The following GRK3 variants were observed in gnomAD, a reference collection of about 807,000 sequenced individuals.
GRK3 encodes adrenergic, beta, receptor kinase 2.
Under a neutral mutation model 95.7 loss-of-function variants are expected in GRK3, and 54 were observed. The ratio of observed to expected loss-of-function variants is 0.56; its 90% CI spans 0.45 to 0.71. The LOEUF (loss-of-function observed/expected upper bound fraction) is 0.71, where lower values mean the gene tolerates loss of function less well. Ranked by LOEUF, GRK3 falls within the 30% of genes least tolerant of loss-of-function variation. GRK3 has a pLI of 0.00. For missense variants in GRK3, 649 were observed against 851.2 expected (o/e 0.76, Z 2.96); for synonymous variants, 281 against 290.8 (o/e 0.97, Z 0.34).
intron 8 of GRK3, among the ~76,000 whole-genome samples, chr22:25,678,371 T>C (rs1034601566): frequency 6.6e-6 from 1 of 152,068 alleles, no homozygotes; most frequent in Non-Finnish European, 1.5e-5. Context: ...AGGAGAATGG[T>C]GTGAACCCGG....
intron 2 of GRK3, among the ~76,000 whole-genome samples, chr22:25,616,611 C>G (rs2084541064): frequency 6.6e-6 from 1 of 152,256 alleles, no homozygotes; most frequent in Non-Finnish European, 1.5e-5. Context: ...TCTTAGAAAG[C>G]TAAAGGCTGT....
chr22:25,645,970 A>G (rs985201718), intron 3 of GRK3, among the ~76,000 whole-genome samples: 5 of 152,036 alleles, frequency 3.3e-5, no homozygotes, highest in African/African-American at 1.2e-4. Flanking sequence ...CAGGGTCCTA[A>G]AAAATGACAA....
intron 1 of GRK3, among the ~76,000 whole-genome samples, chr22:25,603,334 A>AGAT (rs1394098000): frequency 2.0e-5 from 3 of 152,164 alleles, no homozygotes; most frequent in Non-Finnish European, 4.4e-5. Context: ...TGGATAATAG[A>AGAT]GATTCAATTT....
intron 2 of GRK3, among the ~76,000 whole-genome samples, chr22:25,641,219 C>T (rs1383207504): frequency 6.6e-6 from 1 of 152,136 alleles, no homozygotes; most frequent in Non-Finnish European, 1.5e-5. Flanking sequence ...ATTCTACTGA[C>T]CGACAATGGA....
intron 15 of GRK3, among the ~76,000 whole-genome samples, chr22:25,706,903 G>A (rs1305762072): frequency 6.6e-6 from 1 of 152,028 alleles, no homozygotes; most frequent in Non-Finnish European, 1.5e-5. Flanking sequence ...GCTCACTCCA[G>A]CTCCAAACTC....
chr22:25,678,436 A>G (rs111882754), intron 8 of GRK3, among the ~76,000 whole-genome samples: 3 of 152,312 alleles, frequency 2.0e-5, no homozygotes, highest in African/African-American at 7.2e-5. Context: ...CCTGGGCAAC[A>G]GAGTGAGACT....
At chr22:25,641,220 C>T (rs1482842180) in intron 2 of GRK3, among the ~76,000 whole-genome samples, 2 of 152,062 alleles carry the variant, frequency 1.3e-5, no homozygotes, top group African/African-American at 2.4e-5. Flanking sequence ...TTCTACTGAC[C>T]GACAATGGAG....
intron 2 of GRK3, among the ~76,000 whole-genome samples, chr22:25,613,855 A>T (rs2084517115): frequency 6.6e-6 from 1 of 151,956 alleles, no homozygotes. Context: ...GTTAAAAAGG[A>T]TAAAAAGAGG....
intron 2 of GRK3, 62 bp from the exon 3 acceptor site, chr22:25,644,530 C>G (rs1166344355): frequency 2.5e-6 from 2 of 793,166 alleles, no homozygotes; most frequent in East Asian, 5.4e-5. Context: ...TTTGAAAACA[C>G]CCTTGTGGGA....
At chr22:25,678,022 C>T (rs1236099837) in intron 8 of GRK3, among the ~76,000 whole-genome samples, 1 of 152,156 alleles carries the variant, frequency 6.6e-6, no homozygotes, top group African/African-American at 2.4e-5. Flanking sequence ...TTTAAAACGT[C>T]ATAACTTAAA....
intron 2 of GRK3, among the ~76,000 whole-genome samples, chr22:25,623,035 G>T (rs189437828): frequency 4.1e-4 from 63 of 152,108 alleles, no homozygotes; most frequent in Admixed American, 9.8e-4. Flanking sequence ...TTTGCCTCCC[G>T]GGGTCAAGTG....
intron 1 of GRK3, among the ~76,000 whole-genome samples, chr22:25,602,372 G>A (rs781538932): frequency 2.0e-5 from 3 of 152,188 alleles, no homozygotes; most frequent in Non-Finnish European, 4.4e-5. Context: ...CATTGTTGGT[G>A]GGATTGTAAA....
intron 6 of GRK3, 42 bp downstream of exon 6, chr22:25,667,842 G>T: frequency 1.7e-6 from 2 of 1,164,852 alleles, no homozygotes; most frequent in Non-Finnish European, 1.3e-6. Context: ...TTTTTATCAT[G>T]TACGTGTACC....
In GRK3 at chr22:25,565,008, T is replaced by C. The variant is rs1250271159; in HGVS notation, c.-33T>C. 4.6e-6 allele frequency: 5 copies of C among 1,091,368 alleles called. No homozygotes were observed. Among genetic ancestry groups the C allele is most frequent in the Non-Finnish European group, 6.2e-6 (5 of 808,994 alleles). 67.6% of individuals were successfully genotyped at this position (1,091,368 alleles called of 1,614,324 possible). ...GCGCGCGTCCCGTCCAGGTCCGGAG[T>C]AACCGCCGCCGCCGCCGCCAAAGCT... On this transcript the variant is annotated 5_prime_UTR_variant, in exon 1 of 21. Transcript: ENST00000324198.
At chr22:25,648,594 A>G in intron 3 of GRK3, 3 of 1,244,260 alleles carry the variant, frequency 2.4e-6, no homozygotes, top group Non-Finnish European at 3.5e-6. Flanking sequence ...AAGACATGGT[A>G]AACTTGTTCC....
At chr22:25,659,380 G>A (rs953665489) in intron 3 of GRK3, among the ~76,000 whole-genome samples, 16 of 152,178 alleles carry the variant, frequency 1.1e-4, no homozygotes, top group African/African-American at 2.7e-4. Context: ...AAGGGTGGGC[G>A]CAGAAGCAGA....
At chr22:25,671,011 G>A (rs900171729) in intron 6 of GRK3, among the ~76,000 whole-genome samples, 1 of 150,120 alleles carries the variant, frequency 6.7e-6, no homozygotes, top group African/African-American at 2.5e-5. Flanking sequence ...CTGAGATCGC[G>A]CCGCTGCACT....
intron 1 of GRK3, among the ~76,000 whole-genome samples, chr22:25,580,846 C>A (rs929985005): frequency 6.6e-6 from 1 of 152,150 alleles, no homozygotes; most frequent in African/African-American, 2.4e-5. Context: ...TGGGATAAGT[C>A]GAGTGGAGTG....
chr22:25,663,051 T>C (rs1042279634), intron 4 of GRK3, among the ~76,000 whole-genome samples: 2 of 152,104 alleles, frequency 1.3e-5, no homozygotes, highest in African/African-American at 4.8e-5. Flanking sequence ...TCTTATTTGA[T>C]GGAAATTTTA....
Sources: allele counts gnomAD v4.1 joint callset (sites outside exome capture counted in the v4.1 genomes callset), GRCh38; gene constraint gnomAD v4.1.1; transcripts MANE v1.5; gene names NCBI Gene and HGNC (gene_info 2026-07-23, HGNC 2026-07-21).